Variants in CCDC149 observed in about 807,000 individuals in gnomAD.
CCDC149 encodes the protein coiled-coil domain-containing protein 149.
Under a neutral mutation model 59.9 loss-of-function variants are expected in CCDC149, and 45 were observed. The ratio of observed to expected loss-of-function variants is 0.75; its 90% CI spans 0.59 to 0.96. The LOEUF is 0.96. CCDC149 is among the 40% of genes least tolerant of loss of function. The pLI is 0.00. For missense variants in CCDC149, 584 were observed against 664.7 expected, an observed-to-expected ratio of 0.88 and a Z score of 1.33; for synonymous variants, 245 against 260.6, an observed-to-expected ratio of 0.94 and a Z score of 0.58.
At chr4:24,900,882 G>A (rs904265951) in intron 1 of CCDC149, among the ~76,000 whole-genome samples, 2 of 152,130 alleles carry the variant, frequency 1.3e-5, no homozygotes, top group Non-Finnish European at 2.9e-5. Flanking sequence ...GAGCCAGAAT[G>A]CATGGCAGAT....
rs774261219 is a variant in CCDC149, at chr4:24,808,545, C to T, written c.1467G>A (p.Thr489=). The T allele has an allele frequency of 2.2e-5, 34 of 1,549,324 alleles. 1 individual carries two copies. The South Asian group carries it at 3.1e-4, about 14-fold the overall frequency. The change falls in exon 13 of 13, where the codon ACG becomes ACA. Residue 489 remains threonine, a synonymous_variant. Transcript: ENST00000635206. ...TGGCCAGGCCTGGCGGGGCTGGCCC[C>T]GTCTCACTCCTCTGACCTTCTATGG...
chr4:24,811,428 C>T (rs1001491319), intron 12 of CCDC149, among the ~76,000 whole-genome samples: 3 of 152,112 alleles, frequency 2.0e-5, no homozygotes, highest in Non-Finnish European at 2.9e-5. Flanking sequence ...ACATGCTCCT[C>T]GCAAGCTGTT....
At chr4:24,850,942 C>G (rs1396850155) in intron 4 of CCDC149, among the ~76,000 whole-genome samples, 1 of 151,658 alleles carries the variant, frequency 6.6e-6, no homozygotes, top group East Asian at 1.9e-4. Context: ...AATGGAATCT[C>G]TGGGGCTTAC....
intron 1 of CCDC149, among the ~76,000 whole-genome samples, chr4:24,959,664 C>T (rs61791864): frequency 0.061 from 9,252 of 152,130 alleles, 316 homozygotes; most frequent in Non-Finnish European, 0.083. Flanking sequence ...GAGAGTAAGA[C>T]GTTTTTATAC....
chr4:24,869,686 C>A (rs800381), intron 3 of CCDC149, among the ~76,000 whole-genome samples: 2 of 151,988 alleles, frequency 1.3e-5, no homozygotes, highest in African/African-American at 2.4e-5. Flanking sequence ...GCTCACCTTA[C>A]GCCAGGCACC....
intron 1 of CCDC149, among the ~76,000 whole-genome samples, chr4:24,938,742 A>G (rs569824131): frequency 6.6e-6 from 1 of 152,332 alleles, no homozygotes; most frequent in Admixed American, 6.5e-5. Context: ...ACACCAGGAG[A>G]TTATATCCCG....
chr4:24,949,449 T>TGGTGGGGGGGGGGGGGGGGGGG (rs1723213093), intron 1 of CCDC149, among the ~76,000 whole-genome samples: 1 of 57,680 alleles, frequency 1.7e-5, no homozygotes, highest in Admixed American at 2.1e-4. Flanking sequence ...GGAGGGGGGG[T>TGGTGGGGGGGGGGGGGGGGGGG]GGTGGGGGGA....
intron 10 of CCDC149, 32 bp downstream of exon 10, chr4:24,822,465 A>G (rs1295399391): frequency 1.4e-6 from 2 of 1,411,080 alleles, no homozygotes; most frequent in Non-Finnish European, 1.9e-6. Flanking sequence ...AAAAAAAAAA[A>G]AGGAAAATTG....
chr4:24,828,196 A>T (rs1447536321), intron 9 of CCDC149: 1 of 151,950 alleles, frequency 6.6e-6, no homozygotes, highest in Non-Finnish European at 1.5e-5. Context: ...TCCAAGATCC[A>T]TTATTACAGG....
intron 12 of CCDC149, among the ~76,000 whole-genome samples, chr4:24,815,198 G>A (rs1714936154): frequency 6.6e-6 from 1 of 152,116 alleles, no homozygotes; most frequent in Admixed American, 6.5e-5. Flanking sequence ...AGCAATCCTT[G>A]AATTTATGGT....
rs1030018024 is a variant in CCDC149, at chr4:24,903,421, A to C, written c.63+9396T>G. ...TTGGCCCAATCAGCCTGGGGTTGAGAGGGCAGAGCAAGGACTTGGCGCTGA... is the reference window on the plus strand; with the variant it reads ...TTGGCCCAATCAGCCTGGGGTTGAGCGGGCAGAGCAAGGACTTGGCGCTGA... On this transcript the variant is annotated intron_variant, in intron 1 of 12. Coordinates refer to ENST00000635206, the MANE Select transcript of CCDC149 (RefSeq NM_001330643.2). Among the ~76,000 whole-genome samples the C allele has an allele frequency of 5.3e-5, 8 of 152,214 alleles. No homozygotes were observed. In the East Asian group the frequency reaches 1.5e-3, roughly 29 times the overall value.
intron 1 of CCDC149, among the ~76,000 whole-genome samples, chr4:24,970,198 C>T (rs559534660): frequency 2.2e-4 from 33 of 152,202 alleles, no homozygotes; most frequent in Non-Finnish European, 4.1e-4. Flanking sequence ...TTAACATGCT[C>T]CAACTGCATT....
At chr4:24,805,009 C>T (rs1052418994), downstream of CCDC149, among the ~76,000 whole-genome samples, 47 of 152,020 alleles carry the variant, frequency 3.1e-4, no homozygotes, top group Non-Finnish European at 8.8e-5. Flanking sequence ...AGAAGGTGGG[C>T]AGAGAAGGTG....
intron 1 of CCDC149, among the ~76,000 whole-genome samples, chr4:24,946,804 A>G (rs1577499816): frequency 6.6e-6 from 1 of 152,322 alleles, no homozygotes; most frequent in African/African-American, 2.4e-5. Flanking sequence ...TGCCTGAAAA[A>G]TCTTATTTAT....
intron 3 of CCDC149, among the ~76,000 whole-genome samples, chr4:24,866,209 C>T (rs557918630): frequency 5.3e-5 from 8 of 152,114 alleles, no homozygotes; most frequent in African/African-American, 1.2e-4. Context: ...CATCTTGGTG[C>T]GTGTCACTGT....
chr4:24,814,801 C>T (rs1714906351), intron 12 of CCDC149, among the ~76,000 whole-genome samples: 1 of 152,158 alleles, frequency 6.6e-6, no homozygotes, highest in Non-Finnish European at 1.5e-5. Context: ...TACATTTCTA[C>T]CTGGCAAACC....
At chr4:24,917,310 C>T (rs1722155577), upstream of CCDC149, among the ~76,000 whole-genome samples, 1 of 152,234 alleles carries the variant, frequency 6.6e-6, no homozygotes, top group African/African-American at 2.4e-5. Context: ...AGCCAGGCAG[C>T]AGGGGGTGGA....
intron 2 of CCDC149, 96 bp from the exon 3 acceptor site, chr4:24,873,815 C>G (rs1446006960): frequency 9.2e-6 from 7 of 761,886 alleles, no homozygotes; most frequent in Non-Finnish European, 1.6e-5. Flanking sequence ...AATGTAGACT[C>G]TCCCCACCCT....
chr4:24,838,959 T>C (rs1577397801), intron 4 of CCDC149, among the ~76,000 whole-genome samples: 1 of 149,548 alleles, frequency 6.7e-6, no homozygotes, highest in Admixed American at 6.7e-5. Flanking sequence ...GAAAAAAGAA[T>C]ACTAACGTTT....
Sources: allele counts gnomAD v4.1 joint callset (sites outside exome capture counted in the v4.1 genomes callset), GRCh38; gene constraint gnomAD v4.1.1; transcripts MANE v1.5; gene names NCBI Gene and HGNC (gene_info 2026-07-23, HGNC 2026-07-21).